The following AGBL4 variants were observed in gnomAD, a reference collection of about 807,000 sequenced individuals.
The protein encoded by AGBL4 is cytosolic carboxypeptidase 6.
In AGBL4, 58 loss-of-function variants were observed where a neutral mutation model predicts 66.4. That is an observed-to-expected ratio of 0.87 (90% CI 0.71 to 1.09). AGBL4 has a LOEUF of 1.09. Among genes scored for constraint, AGBL4 ranks in the 50% least tolerant of loss-of-function variants. The pLI, the probability that AGBL4 is intolerant of heterozygous loss-of-function variation, is 0.00. For missense variants in AGBL4, 579 were observed against 631.0 expected (o/e 0.92, Z 0.88); for synonymous variants, 234 against 222.9 (o/e 1.05, Z -0.44).
intron 1 of AGBL4, among the ~76,000 whole-genome samples, chr1:49,883,758 T>C (rs1647695225): frequency 6.6e-6 from 1 of 151,882 alleles, no homozygotes; most frequent in Non-Finnish European, 1.5e-5. Context: ...AGATAAACAA[T>C]TACAATATAA....
At chr1:49,233,660 A>G (rs1557752082) in intron 4 of AGBL4, among the ~76,000 whole-genome samples, 1 of 152,238 alleles carries the variant, frequency 6.6e-6, no homozygotes, top group Non-Finnish European at 1.5e-5. Context: ...AAGTGCCATA[A>G]AAATGGTTCA....
chr1:48,761,342 T>C (rs1323935275), intron 6 of AGBL4: 2 of 1,548,438 alleles, frequency 1.3e-6, no homozygotes, highest in Non-Finnish European at 1.7e-6. Context: ...GTTACCTTGA[T>C]GTGTCTAAGC....
rs748376932 is a variant in AGBL4 at position 48,534,250 on chromosome 1, G to T, written c.1435C>A (p.Pro479Thr). 119 of 1,551,488 alleles carry T rather than the reference G, an allele frequency of 7.7e-5. No homozygotes were observed. The highest frequency in any genetic ancestry group is 1.2e-4 in the Admixed American group (6 of 50,976). Residue 479 changes from proline (P) to threonine (T), a missense_variant, in exon 14 of 14, where the codon CCA (proline) becomes ACA (threonine). Pro to Thr is a conservative substitution (Grantham distance 38, BLOSUM62 -1). Transcript: ENST00000371839. ...PPYKHPLLRG[P>T]ASNYPNSKGD... is the part of the protein sequence containing the mutation. ...TTGCTGTTGGGGTAGTTGCTGGCTG[G>T]GCCCCGCAGGAGTGGGTGCTTGTAA...
intron 5 of AGBL4, among the ~76,000 whole-genome samples, chr1:48,955,340 T>C (rs1184740832): frequency 6.6e-6 from 1 of 152,214 alleles, no homozygotes; most frequent in Non-Finnish European, 1.5e-5. Context: ...CCTTCCTTTA[T>C]GTGTTTGTTG....
intron 5 of AGBL4, among the ~76,000 whole-genome samples, chr1:48,992,404 C>A (rs747558373): frequency 6.6e-6 from 1 of 152,096 alleles, no homozygotes; most frequent in Non-Finnish European, 1.5e-5. Flanking sequence ...GTGGCCACCA[C>A]CACTGGGACT....
chr1:49,198,210 G>C (rs1647387897), intron 4 of AGBL4, among the ~76,000 whole-genome samples: 1 of 152,024 alleles, frequency 6.6e-6, no homozygotes, highest in African/African-American at 2.4e-5. Context: ...TTTTCTGCTG[G>C]ATTATACAAT....
intron 7 of AGBL4, among the ~76,000 whole-genome samples, chr1:48,654,987 C>A (rs1447371976): frequency 6.6e-6 from 1 of 152,218 alleles, no homozygotes; most frequent in Non-Finnish European, 1.5e-5. Context: ...CCCCAGCTCC[C>A]GGGGCGGCCC....
At chr1:48,645,570 C>G (rs893350038) in intron 8 of AGBL4, among the ~76,000 whole-genome samples, 3 of 152,122 alleles carry the variant, frequency 2.0e-5, no homozygotes, top group Non-Finnish European at 2.9e-5. Context: ...TTCTGATGAC[C>G]CCTTTCTATT....
intron 4 of AGBL4, among the ~76,000 whole-genome samples, chr1:49,096,745 C>T (rs1043206310): frequency 2.7e-5 from 4 of 150,802 alleles, no homozygotes; most frequent in African/African-American, 4.9e-5. Flanking sequence ...TGTTAAATGA[C>T]GAGGTAATGG....
chr1:48,557,853 C>G (rs1644343703), intron 11 of AGBL4, among the ~76,000 whole-genome samples: 1 of 152,200 alleles, frequency 6.6e-6, no homozygotes, highest in Non-Finnish European at 1.5e-5. Flanking sequence ...GCCACCAGAC[C>G]TGGGACTACC....
intron 5 of AGBL4, among the ~76,000 whole-genome samples, chr1:48,979,814 A>T (rs1409825768): frequency 6.6e-6 from 1 of 152,190 alleles, no homozygotes; most frequent in Non-Finnish European, 1.5e-5. Context: ...TTGAATGGCA[A>T]TTACAAGGGT....
chr1:49,396,339 A>T (rs1156928079), intron 3 of AGBL4, among the ~76,000 whole-genome samples: 2 of 149,894 alleles, frequency 1.3e-5, no homozygotes, highest in Admixed American at 6.6e-5. Context: ...TTTGTGTATG[A>T]ATGTGTGTGT....
At chr1:49,279,694 T>G (rs1644238398) in intron 3 of AGBL4, among the ~76,000 whole-genome samples, 1 of 152,160 alleles carries the variant, frequency 6.6e-6, no homozygotes, top group Admixed American at 6.5e-5. Flanking sequence ...AAAACCATTT[T>G]TTGAAAAAAT....
intron 1 of AGBL4, among the ~76,000 whole-genome samples, chr1:50,003,918 A>G (rs1351437488): frequency 2.0e-5 from 3 of 152,220 alleles, no homozygotes; most frequent in Non-Finnish European, 4.4e-5. Context: ...CCACAGGAAC[A>G]CCAAATGAAC....
chr1:49,825,011 C>A (rs1479325871), intron 2 of AGBL4, among the ~76,000 whole-genome samples: 2 of 152,062 alleles, frequency 1.3e-5, no homozygotes, highest in Non-Finnish European at 2.9e-5. Context: ...CATAATAGAG[C>A]CTCTCTTATT....
chr1:49,531,562 G>A lies in AGBL4; in HGVS notation c.282+165751C>T, dbSNP rs1029318017. On this transcript the variant is annotated intron_variant, in intron 3 of 13. Coordinates refer to ENST00000371839, the MANE Select transcript of AGBL4 (RefSeq NM_032785.4). Reference sequence around the variant, plus strand: ...TAAGAAATCAGAACAACAATTCACTGTTGACTATTTAGTAATAGGTATTGT... The same window carrying A: ...TAAGAAATCAGAACAACAATTCACTATTGACTATTTAGTAATAGGTATTGT... Among the ~76,000 whole-genome samples, 3 of 152,176 alleles carry A rather than the reference G, an allele frequency of 2.0e-5. No homozygotes were observed. The South Asian group carries it at 6.2e-4, about 32-fold the overall frequency.
intron 11 of AGBL4, among the ~76,000 whole-genome samples, chr1:48,542,231 CATTCTATCATTG>C (rs1644085116): frequency 6.6e-6 from 1 of 152,174 alleles, no homozygotes; most frequent in Non-Finnish European, 1.5e-5. Flanking sequence ...TTTCTTTATC[CATTCTATCATTG>C]ATGGGCATTT....
chr1:49,836,880 C>CA (rs1557497244), intron 2 of AGBL4, among the ~76,000 whole-genome samples: 1 of 152,174 alleles, frequency 6.6e-6, no homozygotes, highest in African/African-American at 2.4e-5. Flanking sequence ...CCATTCCAGA[C>CA]CCATTTGCCT....
chr1:49,666,588 T>G (rs989724838), intron 3 of AGBL4, among the ~76,000 whole-genome samples: 4 of 151,440 alleles, frequency 2.6e-5, no homozygotes, highest in African/African-American at 9.7e-5. Context: ...TAAATAAATA[T>G]ATAAATAAAA....
Sources: gnomAD v4.1 joint callset for allele counts (sites outside exome capture counted in the v4.1 genomes callset) on GRCh38, gnomAD v4.1.1 for gene constraint, MANE v1.5 for transcripts, NCBI Gene and HGNC (gene_info 2026-07-23, HGNC 2026-07-21) for gene names.